ARHGAP24: variants seen among roughly 807,000 people sequenced by gnomAD.
ARHGAP24 encodes the protein Rho GTPase activating protein 24.
ARHGAP24 carries 50 observed loss-of-function variants against 76.4 expected under a neutral mutation model. The observed-to-expected ratio is 0.65, with a 90% CI of 0.52 to 0.83. The LOEUF is 0.83. ARHGAP24 is among the 40% of genes least tolerant of loss of function. ARHGAP24 has a pLI of 0.00. For missense variants in ARHGAP24, 930 were observed against 914.2 expected (o/e 1.02, Z -0.22); for synonymous variants, 345 against 323.3 (o/e 1.07, Z -0.72).
intron 2 of ARHGAP24, among the ~76,000 whole-genome samples, chr4:85,616,659 A>G (rs1457026682): frequency 1.3e-5 from 2 of 152,044 alleles, no homozygotes; most frequent in Non-Finnish European, 2.9e-5. Context: ...ATGGAGTCTC[A>G]TTCTGTCGCG....
intron 3 of ARHGAP24, among the ~76,000 whole-genome samples, chr4:85,774,287 C>G (rs1372538771): frequency 6.6e-6 from 1 of 152,190 alleles, no homozygotes; most frequent in African/African-American, 2.4e-5. Flanking sequence ...TAATTTACAG[C>G]TCACTGGAGG....
chr4:85,971,894 A>G, intron 5 of ARHGAP24, 142 bp from the exon 6 acceptor site: 2 of 1,162,980 alleles, frequency 1.7e-6, no homozygotes, highest in Non-Finnish European at 2.5e-6. Flanking sequence ...GGCATCACAT[A>G]AATGAGTGCT....
At chr4:85,905,792 T>G (rs550951220) in intron 3 of ARHGAP24, among the ~76,000 whole-genome samples, 1 of 152,190 alleles carries the variant, frequency 6.6e-6, no homozygotes, top group Non-Finnish European at 1.5e-5. Context: ...ACCCCCATAT[T>G]TAATGATGCA....
rs1731084753 is a variant in ARHGAP24 at position 85,849,360 on chromosome 4, G to A, written c.269-74288G>A. 4.6e-5 allele frequency among the ~76,000 whole-genome samples: 7 copies of A among 151,682 alleles called. No individual in the cohort carries two copies. In the South Asian group the frequency reaches 1.5e-3, roughly 32 times the overall value. On this transcript the variant is annotated intron_variant, in intron 3 of 9. Coordinates refer to ENST00000395184, the MANE Select transcript of ARHGAP24 (RefSeq NM_001025616.3). ...AGGATATTTTGGGCTGAGACGATGG[G>A]TTTTTCTAAATATACAATCATGTTA...
chr4:85,597,375 T>C (rs1434315167), intron 2 of ARHGAP24, among the ~76,000 whole-genome samples: 2 of 152,108 alleles, frequency 1.3e-5, no homozygotes, highest in Non-Finnish European at 2.9e-5. Flanking sequence ...CTTCGAGTTA[T>C]GTGGTTACTT....
At chr4:85,533,400 A>G (rs1168884610) in intron 1 of ARHGAP24, among the ~76,000 whole-genome samples, 6 of 152,180 alleles carry the variant, frequency 3.9e-5, no homozygotes, top group African/African-American at 1.4e-4. Flanking sequence ...TTTTGATCTT[A>G]AACTTACATT....
intron 3 of ARHGAP24, among the ~76,000 whole-genome samples, chr4:85,813,255 A>G (rs965710198): frequency 6.6e-6 from 1 of 152,296 alleles, no homozygotes; most frequent in Admixed American, 6.5e-5. Context: ...TGTGCACGGG[A>G]GCAACAGGGA....
intron 1 of ARHGAP24, among the ~76,000 whole-genome samples, chr4:85,488,292 G>A (rs571657926): frequency 2.6e-5 from 4 of 152,048 alleles, no homozygotes; most frequent in African/African-American, 4.8e-5. Context: ...TAATTTAAAT[G>A]TATAACTTCA....
chr4:85,785,141 C>T (rs1448480760), intron 3 of ARHGAP24, among the ~76,000 whole-genome samples: 1 of 152,136 alleles, frequency 6.6e-6, no homozygotes, highest in Non-Finnish European at 1.5e-5. Context: ...CTGTGTGTTA[C>T]TCAGTTTCAG....
intron 3 of ARHGAP24, among the ~76,000 whole-genome samples, chr4:85,752,326 A>G (rs1403537905): frequency 3.9e-5 from 6 of 152,238 alleles, no homozygotes; most frequent in Non-Finnish European, 1.5e-5. Context: ...TGTGCCCACC[A>G]GGAAGCATCC....
chr4:85,492,821 A>C (rs1723412041), intron 1 of ARHGAP24, among the ~76,000 whole-genome samples: 1 of 152,224 alleles, frequency 6.6e-6, no homozygotes, highest in Admixed American at 6.5e-5. Flanking sequence ...ATTAACACTG[A>C]TAAAATACTA....
intron 4 of ARHGAP24, chr4:85,924,774 A>G (rs1735923087): frequency 6.6e-6 from 1 of 152,164 alleles, no homozygotes; most frequent in South Asian, 2.1e-4. Context: ...AGATTCATTG[A>G]AAACATGATA....
chr4:85,734,001 A>T (rs1725512265), intron 3 of ARHGAP24, among the ~76,000 whole-genome samples: 1 of 152,180 alleles, frequency 6.6e-6, no homozygotes, highest in African/African-American at 2.4e-5. Flanking sequence ...ACTTTCCCTC[A>T]TGTTTCTGAC....
chr4:85,638,018 C>G (rs1449846589), intron 2 of ARHGAP24, among the ~76,000 whole-genome samples: 1 of 152,050 alleles, frequency 6.6e-6, no homozygotes, highest in African/African-American at 2.4e-5. Context: ...TCAGTCATAC[C>G]ACATTCTCGT....
At chr4:85,812,634 A>T (rs531860329) in intron 3 of ARHGAP24, among the ~76,000 whole-genome samples, 1 of 152,328 alleles carries the variant, frequency 6.6e-6, no homozygotes, top group East Asian at 1.9e-4. Flanking sequence ...CATAGCTCCA[A>T]TTCTCTTTCC....
In ARHGAP24 at chr4:85,961,222, A is replaced by G. The variant is rs1738223531; in HGVS notation, c.600-10814A>G. ...TTTATGTGTTCCCCTCAATTTATAC[A>G]TACATATTAATAAACTAAGGTGGTA... On this transcript the variant is annotated intron_variant, in intron 5 of 9. Transcript: ENST00000395184. Among the ~76,000 whole-genome samples the G allele has an allele frequency of 3.3e-5, 5 of 152,268 alleles. No homozygotes were observed. In the South Asian group the frequency reaches 1.0e-3, roughly 32 times the overall value.
chr4:85,765,999 A>G (rs1378252113), intron 3 of ARHGAP24, among the ~76,000 whole-genome samples: 1 of 152,176 alleles, frequency 6.6e-6, no homozygotes, highest in African/African-American at 2.4e-5. Context: ...ATTACGGGGT[A>G]CAAATTTTGA....
chr4:85,664,808 C>T lies in ARHGAP24; in HGVS notation c.181-57077C>T, dbSNP rs201667767. 1.4e-4 allele frequency among the ~76,000 whole-genome samples: 21 copies of T among 152,144 alleles called. No homozygotes were observed. In the East Asian group the frequency reaches 2.9e-3, roughly 21 times the overall value. On this transcript the variant is annotated intron_variant, in intron 2 of 9. Transcript: ENST00000395184. Reference sequence around the variant, plus strand: ...TCAGGAGCAGGTTGTTCAGTTTCCACGTAGCTGAGCAGTTTTGAGTGAGTT... The same window carrying T: ...TCAGGAGCAGGTTGTTCAGTTTCCATGTAGCTGAGCAGTTTTGAGTGAGTT...
rs781120287 is a variant in ARHGAP24, at chr4:85,972,096, A to G, written c.660A>G (p.Glu220=). The G allele has an allele frequency of 1.9e-6, 3 of 1,614,064 alleles. No individual in the cohort carries two copies. In the South Asian group the frequency reaches 3.3e-5, roughly 18 times the overall value. The change falls in exon 6 of 10, where the codon GAA becomes GAG. Residue 220 remains glutamate, a synonymous_variant. Coordinates refer to ENST00000395184, the MANE Select transcript of ARHGAP24 (RefSeq NM_001025616.3). The part of the protein sequence containing the change: ...LLKLYLRELP[E]PVIPYAKYED... ...AGCTGTACCTCCGAGAACTTCCAGA[A>G]CCAGTTATTCCTTATGCGAAGTATG...
Sources: allele counts gnomAD v4.1 joint callset (sites outside exome capture counted in the v4.1 genomes callset), GRCh38; gene constraint gnomAD v4.1.1; transcripts MANE v1.5; gene names NCBI Gene and HGNC (gene_info 2026-07-23, HGNC 2026-07-21).